SEC14L5: variants seen among roughly 807,000 people sequenced by gnomAD.
SEC14L5 encodes the protein SEC14-like protein 5.
SEC14L5 carries 96 observed loss-of-function variants against 84.6 expected under a neutral mutation model. The observed-to-expected ratio is 1.13, with a 90% CI of 0.96 to 1.34. The LOEUF (loss-of-function observed/expected upper bound fraction) is 1.34. Ranked by LOEUF, SEC14L5 falls within the 40% of genes most tolerant of loss-of-function variation. The pLI, the probability that SEC14L5 is intolerant of heterozygous loss-of-function variation, is 0.00. For synonymous variants in SEC14L5, 546 were observed against 383.4 expected (o/e 1.42, Z -4.95); for missense variants, 1,224 against 942.5 (o/e 1.30, Z -3.91).
chr16:4,995,933 C>T (rs1415275893), intron 6 of SEC14L5, among the ~76,000 whole-genome samples: 2 of 152,250 alleles, frequency 1.3e-5, no homozygotes, highest in East Asian at 3.9e-4. Flanking sequence ...GCAGTTTTAT[C>T]TTCTCTAAAG....
chr16:4,959,237 G>A (rs1955088985), intron 1 of SEC14L5, 36 bp from the exon 2 acceptor site: 1 of 1,019,108 alleles, frequency 9.8e-7, no homozygotes, highest in Non-Finnish European at 1.6e-6. Context: ...TTCCCGAGGT[G>A]GGAGCTGCAA....
intron 11 of SEC14L5, among the ~76,000 whole-genome samples, chr16:5,003,884 C>G (rs1236856555): frequency 6.6e-6 from 1 of 152,218 alleles, no homozygotes; most frequent in African/African-American, 2.4e-5. Flanking sequence ...CCTTGGCTTC[C>G]CAAAGTGTTT....
chr16:4,983,873 G>C (rs906956991), intron 2 of SEC14L5, among the ~76,000 whole-genome samples: 1 of 126,558 alleles, frequency 7.9e-6, no homozygotes, highest in Non-Finnish European at 1.6e-5. Context: ...ACAAAACTCT[G>C]TCTCAAATAA....
intron 2 of SEC14L5, among the ~76,000 whole-genome samples, chr16:4,984,147 CTCTG>C (rs573212394): frequency 1.2e-3 from 187 of 152,308 alleles, no homozygotes; most frequent in African/African-American, 4.3e-3. Flanking sequence ...CGAAAAGAAG[CTCTG>C]TCTGCCTTAA....
intron 12 of SEC14L5, among the ~76,000 whole-genome samples, chr16:5,006,882 C>G (rs1955737786): frequency 6.6e-6 from 1 of 151,726 alleles, no homozygotes; most frequent in African/African-American, 2.4e-5. Context: ...GGAGTTCTGC[C>G]AAGGCCTGGC....
chr16:5,006,045 T>C lies in SEC14L5; in HGVS notation c.1434T>C (p.Ser478=), dbSNP rs971006901. 1 of 1,611,128 alleles carries C rather than the reference T, an allele frequency of 6.2e-7. No homozygotes were observed. The highest frequency in any genetic ancestry group is 8.5e-7 in the Non-Finnish European group (1 of 1,179,010). ...EVIPDFLGGE[S]VCNVPEGGLV... is the part of the protein sequence containing the mutation. ...TCCCTGACTTCCTTGGGGGAGAGAG[T>C]GTGGTGAGGCTTCCATGTCCACAGA... is the stretch of plus-strand genomic sequence containing the variant. Residue 478 remains serine (S), a synonymous_variant, in exon 12 of 16, where the codon AGT becomes AGC. Coordinates refer to ENST00000251170, the MANE Select transcript of SEC14L5 (RefSeq NM_014692.2).
chr16:4,964,432 CA>C (rs1245849494), intron 2 of SEC14L5, among the ~76,000 whole-genome samples: 2 of 152,014 alleles, frequency 1.3e-5, no homozygotes, highest in Non-Finnish European at 2.9e-5. Flanking sequence ...CCTAAAAATA[CA>C]AAATTACCTA....
At chr16:5,007,969 G>A (rs1196354517) in intron 13 of SEC14L5, among the ~76,000 whole-genome samples, 5 of 147,300 alleles carry the variant, frequency 3.4e-5, no homozygotes, top group Admixed American at 1.4e-4. Context: ...GTGCAGTGGC[G>A]CAATGTTGGC....
chr16:4,971,050 A>G (rs1478027597), intron 2 of SEC14L5, among the ~76,000 whole-genome samples: 1 of 149,580 alleles, frequency 6.7e-6, no homozygotes, highest in Non-Finnish European at 1.5e-5. Context: ...GAGGATACAG[A>G]GCCGAGATTG....
chr16:5,008,681 C>T, intron 14 of SEC14L5, 33 bp downstream of exon 14: 1 of 1,564,400 alleles, frequency 6.4e-7, no homozygotes, highest in Non-Finnish European at 8.8e-7. Context: ...ATTCGCTCAC[C>T]AAGCAGCACT....
chr16:5,004,654 G>A (rs1278555814), intron 11 of SEC14L5, among the ~76,000 whole-genome samples: 1 of 152,136 alleles, frequency 6.6e-6, no homozygotes, highest in African/African-American at 2.4e-5. Flanking sequence ...GCGCAGTGGG[G>A]CTGGGGACAG....
intron 4 of SEC14L5, among the ~76,000 whole-genome samples, chr16:4,990,245 C>T (rs1349363676): frequency 6.6e-6 from 1 of 151,924 alleles, no homozygotes; most frequent in African/African-American, 2.4e-5. Flanking sequence ...TCACTGCAAC[C>T]TCCGCCTCCC....
At chr16:5,004,665 G>A (rs1955711932) in intron 11 of SEC14L5, among the ~76,000 whole-genome samples, 1 of 152,138 alleles carries the variant, frequency 6.6e-6, no homozygotes, top group Non-Finnish European at 1.5e-5. Context: ...CTGGGGACAG[G>A]AGAGGGCCCT....
At chr16:4,979,517 C>T (rs181929627) in intron 2 of SEC14L5, among the ~76,000 whole-genome samples, 74 of 152,306 alleles carry the variant, frequency 4.9e-4, no homozygotes, top group African/African-American at 1.7e-3. Context: ...GATGGTTAGG[C>T]TTGGGCAGCT....
intron 15 of SEC14L5, among the ~76,000 whole-genome samples, chr16:5,011,746 C>T (rs926754785): frequency 6.6e-6 from 1 of 152,184 alleles, no homozygotes; most frequent in Non-Finnish European, 1.5e-5. Context: ...CACTTTTCCT[C>T]TTTGAGCCTC....
Position 4,987,694 on chromosome 16 carries a change from G to A in SEC14L5, c.201G>A (p.Arg67=). The A allele has an allele frequency of 7.9e-6, 12 of 1,528,228 alleles. No homozygotes were observed. The highest frequency in any genetic ancestry group is 1.1e-5 in the Non-Finnish European group (12 of 1,141,968). The allele number at this position is 1,528,228 out of a possible 1,614,324, so 94.7% of individuals were successfully genotyped here. A position where few individuals can be genotyped will look rare whatever the true frequency, so the allele number is the denominator to read the frequency against. ...RSCRLRVDAP[R]LLRKIAGVEH... is the part of the protein sequence containing the mutation. Reference sequence around the variant, plus strand: ...GCCGGCTGCGCGTGGACGCCCCGCGGCTGCTGCGGAAGGTGGGCGGCCCTG... The same window carrying A: ...GCCGGCTGCGCGTGGACGCCCCGCGACTGCTGCGGAAGGTGGGCGGCCCTG... Residue 67 remains arginine, a synonymous_variant, in exon 3 of 16, where the codon CGG becomes CGA. Transcript: ENST00000251170.
intron 2 of SEC14L5, among the ~76,000 whole-genome samples, chr16:4,970,099 A>G (rs1480203553): frequency 6.6e-6 from 1 of 152,216 alleles, no homozygotes; most frequent in Non-Finnish European, 1.5e-5. Context: ...GGCGTGAGCC[A>G]CTGCACCTGG....
chr16:4,974,236 G>C (rs1483957820), intron 2 of SEC14L5, among the ~76,000 whole-genome samples: 1 of 152,070 alleles, frequency 6.6e-6, no homozygotes, highest in Non-Finnish European at 1.5e-5. Context: ...TTTATTTTTT[G>C]AGACAGGGTC....
intron 11 of SEC14L5, among the ~76,000 whole-genome samples, chr16:5,003,870 C>T (rs1036139636): frequency 2.0e-5 from 3 of 152,246 alleles, no homozygotes; most frequent in African/African-American, 4.8e-5. Context: ...AAGCGGTCCT[C>T]TTGCCTTGGC....
Sources: allele counts gnomAD v4.1 joint callset (sites outside exome capture counted in the v4.1 genomes callset), GRCh38; gene constraint gnomAD v4.1.1; transcripts MANE v1.5; gene names NCBI Gene and HGNC (gene_info 2026-07-23, HGNC 2026-07-21).